The following TBC1D28 variants were observed in gnomAD, a reference collection of about 807,000 sequenced individuals.
TBC1D28 encodes TBC1 domain family, member 28.
A neutral mutation model predicts 29.2 loss-of-function variants in TBC1D28; 20 were observed. The ratio of observed to expected loss-of-function variants is 0.68; its 90% confidence interval spans 0.48 to 0.99. The LOEUF (loss-of-function observed/expected upper bound fraction) is 0.99. TBC1D28 is among the 50% of genes least tolerant of loss of function. The pLI is 0.00. For missense variants in TBC1D28, 205 were observed against 243.7 expected (o/e 0.84, Z 1.06); for synonymous variants, 65 against 90.9 (o/e 0.71, Z 1.62).
chr17:18,636,560 C>T, exon 9 of TBC1D28: 1 of 1,613,760 alleles, frequency 6.2e-7, no homozygotes, highest in Non-Finnish European at 8.5e-7. Context: ...GGGTTATATG[C>T]AGAATAGGCC....
At chr17:18,641,957 C>G (rs2031787625) in exon 1 of TBC1D28, 1 of 171,378 alleles carries the variant, frequency 5.8e-6, no homozygotes, top group African/African-American at 2.4e-5. Context: ...ACGGTGGACA[C>G]CACAATTCCC....
At position 18,638,563 on chromosome 17, in the gene TBC1D28, C is replaced by T. The variant is rs534269712; in HGVS notation, c.279+58G>A. ...CACCCACCCAGGCCAAAACCATGGG[C>T]GCCTGTCTCCTGGCTCTGCAGAGAG... On this transcript the variant is annotated intron_variant, in intron 6 of 8. Transcript: ENST00000345096. The T allele has an allele frequency of 7.1e-5, 105 of 1,476,926 alleles. 1 individual carries two copies. The African/African-American group carries it at 9.3e-4, about 13-fold the overall frequency. 91.5% of individuals were successfully genotyped at this position (1,476,926 alleles called of 1,614,324 possible).
chr17:18,634,849 CCCTCAGCCGCCTCAGCCG>C (rs1158996868), downstream of TBC1D28, among the ~76,000 whole-genome samples: 1,012 of 138,356 alleles, frequency 7.3e-3, 5 homozygotes, highest in African/African-American at 0.025. Flanking sequence ...CCTCCTCAGC[CCCTCAGCCGCCTCAGCCG>C]CCTCAGCCCC....
chr17:18,635,199 G>A (rs1261070613), exon 9 of TBC1D28: 1 of 153,078 alleles, frequency 6.5e-6, no homozygotes, highest in East Asian at 1.9e-4. Context: ...CACCCACCAG[G>A]AGTCCCGGGC....
At chr17:18,644,273 G>A (rs1174384886), upstream of TBC1D28, 1 of 151,974 alleles carries the variant, frequency 6.6e-6, no homozygotes, top group African/African-American at 2.4e-5. Flanking sequence ...GGAAGGAACA[G>A]AGCAGGTCAC....
At chr17:18,637,745 G>C in intron 8 of TBC1D28, 119 bp downstream of exon 9, 1 of 1,343,656 alleles carries the variant, frequency 7.4e-7, no homozygotes, top group South Asian at 1.3e-5. Context: ...TGGGCCAGGA[G>C]AGCCCTTGGT....
downstream of TBC1D28, chr17:18,634,988 GC>G (rs1228759735): frequency 6.5e-6 from 1 of 152,794 alleles, no homozygotes; most frequent in Non-Finnish European, 1.5e-5. Flanking sequence ...CCCACCGGCC[GC>G]GCCTGCCACT....
chr17:18,637,781 C>G (rs1294562141), intron 8 of TBC1D28, 83 bp downstream of exon 9: 2 of 1,587,118 alleles, frequency 1.3e-6, no homozygotes, highest in Non-Finnish European at 1.7e-6. Flanking sequence ...CCTGGGTGAC[C>G]CTGGCCTCTG....
chr17:18,640,600 G>A lies in TBC1D28; in HGVS notation c.158+422C>T, dbSNP rs1201968793. Reference sequence around the variant, plus strand: ...CCCTATGCCCCTTCCTCATGGCTGAGCCCCCTGAGCCCTCAGAGATCTGCT... The same window carrying A: ...CCCTATGCCCCTTCCTCATGGCTGAACCCCCTGAGCCCTCAGAGATCTGCT... On this transcript the variant is annotated intron_variant, in intron 4 of 8. Coordinates refer to ENST00000345096, the Ensembl canonical transcript of TBC1D28. Among the ~76,000 whole-genome samples, 8 of 149,656 alleles carry A rather than the reference G, an allele frequency of 5.3e-5. No individual in the cohort carries two copies. The East Asian group carries it at 1.6e-3, about 31-fold the overall frequency.
chr17:18,635,106 GC>G (rs1420702972), exon 9 of TBC1D28: 7 of 152,328 alleles, frequency 4.6e-5, no homozygotes, highest in Non-Finnish European at 8.8e-5. Flanking sequence ...CCAAACCCAA[GC>G]CTCCGAGAGC....
intron 4 of TBC1D28, among the ~76,000 whole-genome samples, chr17:18,640,499 C>T (rs1056501294): frequency 2.0e-5 from 3 of 152,060 alleles, no homozygotes; most frequent in Non-Finnish European, 2.9e-5. Context: ...CCCCTGGCCT[C>T]AGTGAGAAGC....
chr17:18,641,378 C>T, intron 2 of TBC1D28, 25 bp from the exon 4 acceptor site: 7 of 1,609,224 alleles, frequency 4.3e-6, no homozygotes, highest in Non-Finnish European at 5.9e-6. Flanking sequence ...CATCCCAAGG[C>T]TCTCCCGCAC....
At chr17:18,644,384 A>G (rs558118895), upstream of TBC1D28, 3 of 152,472 alleles carry the variant, frequency 2.0e-5, no homozygotes, top group African/African-American at 7.2e-5. Context: ...AGCTCCAGAC[A>G]TAGAGACGGC....
upstream of TBC1D28, among the ~76,000 whole-genome samples, chr17:18,643,802 C>T (rs1160793025): frequency 6.6e-6 from 1 of 152,194 alleles, no homozygotes; most frequent in East Asian, 1.9e-4. Flanking sequence ...CCAGTGGGTC[C>T]CACGGAGACC....
intron 7 of TBC1D28, 153 bp downstream of exon 8, chr17:18,638,160 T>C: frequency 1.6e-6 from 2 of 1,288,008 alleles, no homozygotes; most frequent in Non-Finnish European, 2.2e-6. Flanking sequence ...AGCGCACCTG[T>C]GGTGCCTGAG....
chr17:18,635,461 T>C (rs1353469435), exon 9 of TBC1D28: 1 of 674,942 alleles, frequency 1.5e-6, no homozygotes, highest in Non-Finnish European at 1.8e-6. Flanking sequence ...GGGCTGACGT[T>C]TGGACTCCGG....
intron 4 of TBC1D28, among the ~76,000 whole-genome samples, chr17:18,640,542 A>G (rs1257373698): frequency 2.6e-5 from 4 of 151,736 alleles, no homozygotes; most frequent in South Asian, 4.2e-4. Context: ...TTCTTCCACA[A>G]CCTACCAGGG....
exon 9 of TBC1D28, chr17:18,635,912 GC>G (rs1323313920): frequency 2.0e-6 from 2 of 995,624 alleles, no homozygotes; most frequent in African/African-American, 3.5e-5. Context: ...GAAGTCACCC[GC>G]CAGTCTGAAG....
intron 8 of TBC1D28, among the ~76,000 whole-genome samples, chr17:18,636,928 C>T (rs1314061125): frequency 6.9e-5 from 7 of 101,746 alleles, no homozygotes; most frequent in Non-Finnish European, 1.1e-4. Context: ...CAGAGCCTCC[C>T]GTCCACCACT....
Sources: gnomAD v4.1 joint callset for allele counts (sites outside exome capture counted in the v4.1 genomes callset) on GRCh38, gnomAD v4.1.1 for gene constraint, MANE v1.5 for transcripts, NCBI Gene and HGNC (gene_info 2026-07-23, HGNC 2026-07-21) for gene names.